MCHR2: variants seen among roughly 807,000 people sequenced by gnomAD.
MCHR2 encodes the protein melanin concentrating hormone receptor 2.
A neutral mutation model predicts 24.8 loss-of-function variants in MCHR2; 15 were observed. That is an observed-to-expected ratio of 0.60 (90% CI 0.40 to 0.93). The LOEUF (loss-of-function observed/expected upper bound fraction) is 0.93. Among genes scored for constraint, MCHR2 ranks in the 40% least tolerant of loss-of-function variants. The probability of loss-of-function intolerance (pLI) is 0.00; values close to 1 mark genes in which losing one functional copy is unlikely to be tolerated. For missense variants in MCHR2, 386 were observed against 408.7 expected (o/e 0.94, Z 0.48); for synonymous variants, 151 against 147.6 (o/e 1.02, Z -0.17).
chr6:99,985,235 C>G (rs1775748972), intron 1 of MCHR2, among the ~76,000 whole-genome samples: 1 of 135,512 alleles, frequency 7.4e-6, no homozygotes, highest in African/African-American at 3.5e-5. Context: ...CCAGTATCAT[C>G]AAAATGACCA....
intron 1 of MCHR2, among the ~76,000 whole-genome samples, chr6:99,974,340 A>C (rs992640111): frequency 6.6e-6 from 1 of 152,122 alleles, no homozygotes; most frequent in African/African-American, 2.4e-5. Context: ...ACTTTCTTCC[A>C]GTTGATTGCA....
At chr6:99,987,041 C>A (rs1775782425) in intron 1 of MCHR2, among the ~76,000 whole-genome samples, 2 of 151,886 alleles carry the variant, frequency 1.3e-5, no homozygotes, top group South Asian at 4.2e-4. Context: ...TAGCTTTGTA[C>A]ATTTTAATGT....
intron 5 of MCHR2, 49 bp from the exon 6 acceptor site, chr6:99,921,304 TA>T (rs1774225121): frequency 6.5e-7 from 1 of 1,540,254 alleles, no homozygotes; most frequent in Non-Finnish European, 8.8e-7. Context: ...CCATAGAAAT[TA>T]TGGGGCAATG....
chr6:99,964,653 G>A (rs374949882), intron 1 of MCHR2, among the ~76,000 whole-genome samples: 10 of 152,078 alleles, frequency 6.6e-5, no homozygotes, highest in Admixed American at 2.0e-4. Context: ...TTCCACCCTT[G>A]TTCTGGCCCT....
At chr6:99,979,947 T>C (rs1775632078) in intron 1 of MCHR2, among the ~76,000 whole-genome samples, 1 of 152,214 alleles carries the variant, frequency 6.6e-6, no homozygotes, top group South Asian at 2.1e-4. Context: ...GTAAATGGCT[T>C]GGCACTTTGC....
At chr6:99,991,532 C>T (rs1210711282) in intron 1 of MCHR2, among the ~76,000 whole-genome samples, 2 of 152,098 alleles carry the variant, frequency 1.3e-5, no homozygotes, top group African/African-American at 2.4e-5. Flanking sequence ...GAGGCCGGGG[C>T]GCGGTGGCTC....
At chr6:99,950,045 C>G (rs1022693489) in intron 2 of MCHR2, among the ~76,000 whole-genome samples, 1 of 152,002 alleles carries the variant, frequency 6.6e-6, no homozygotes, top group African/African-American at 2.4e-5. Flanking sequence ...CCTTGCTTTT[C>G]TCTAGAGGGG....
chr6:99,987,217 C>T (rs559834477), intron 1 of MCHR2, among the ~76,000 whole-genome samples: 2 of 152,166 alleles, frequency 1.3e-5, no homozygotes, highest in East Asian at 3.9e-4. Context: ...TCTCCTGCCT[C>T]AACCTCCCAA....
intron 1 of MCHR2, among the ~76,000 whole-genome samples, chr6:99,966,902 C>T (rs1032458376): frequency 8.5e-5 from 13 of 152,098 alleles, no homozygotes; most frequent in Admixed American, 6.6e-5. Flanking sequence ...AAAGCCAATG[C>T]TAAATAAGAT....
intron 1 of MCHR2, among the ~76,000 whole-genome samples, chr6:99,972,056 C>T (rs1214715419): frequency 6.6e-6 from 1 of 152,206 alleles, no homozygotes; most frequent in African/African-American, 2.4e-5. Context: ...GCTTTGGTAT[C>T]AGGATGATGC....
Position 99,970,149 on chromosome 6 carries a change from T to C in MCHR2, c.-27-13975A>G, listed in dbSNP as rs1775375535. Among the ~76,000 whole-genome samples, 5 of 151,418 alleles carry C rather than the reference T, an allele frequency of 3.3e-5. 1 individual carries two copies. In the South Asian group the frequency reaches 8.4e-4, roughly 25 times the overall value. The stretch of plus-strand genomic sequence containing the variant: ...GGAATCGCCACACTGACTTCCACAA[T>C]GGTTGAACTAGTTTACAGTCCCACC... On this transcript the variant is annotated intron_variant, in intron 1 of 5. Coordinates refer to ENST00000281806, the MANE Select transcript of MCHR2 (RefSeq NM_001040179.2).
At chr6:99,974,574 T>C (rs1582405538) in intron 1 of MCHR2, among the ~76,000 whole-genome samples, 1 of 152,240 alleles carries the variant, frequency 6.6e-6, no homozygotes, top group East Asian at 1.9e-4. Context: ...AAAGTCATTC[T>C]CCATCCAGCT....
At position 99,920,747 on chromosome 6, in the gene MCHR2, C is replaced by T. The variant is rs1208828922; in HGVS notation, c.*193G>A. ...CCCATTCCCTACCCACAATATAGAT[C>T]AACATTTTACATCTTGCTAAAGTTA... On this transcript the variant is annotated 3_prime_UTR_variant, in exon 6 of 6. Coordinates refer to ENST00000281806, the MANE Select transcript of MCHR2 (RefSeq NM_001040179.2). The T allele has an allele frequency of 8.4e-6, 5 of 596,598 alleles. No individual in the cohort carries two copies. The South Asian group carries it at 1.1e-4, about 13-fold the overall frequency. 37.0% of individuals were successfully genotyped at this position (596,598 alleles called of 1,614,324 possible).
chr6:99,945,333 G>A (rs1378753183), intron 3 of MCHR2, among the ~76,000 whole-genome samples: 1 of 152,100 alleles, frequency 6.6e-6, no homozygotes, highest in Non-Finnish European at 1.5e-5. Context: ...GACTCTTGAT[G>A]TTTTAGAGAA....
intron 1 of MCHR2, among the ~76,000 whole-genome samples, chr6:99,966,314 A>C (rs575110820): frequency 1.3e-4 from 20 of 152,254 alleles, no homozygotes; most frequent in African/African-American, 4.6e-4. Flanking sequence ...TATCTCCTGT[A>C]AATGTTGGAA....
At chr6:99,930,890 T>C (rs13195824) in intron 5 of MCHR2, among the ~76,000 whole-genome samples, 11 of 152,214 alleles carry the variant, frequency 7.2e-5, no homozygotes, top group Non-Finnish European at 8.8e-5. Context: ...TGAGGAGCTG[T>C]GTTCCTTTGG....
intron 5 of MCHR2, among the ~76,000 whole-genome samples, chr6:99,927,555 C>A (rs915936926): frequency 6.6e-6 from 1 of 151,960 alleles, no homozygotes. Context: ...CCTTCGCGTC[C>A]CTTGTAAGTT....
At chr6:99,948,121 G>A in intron 2 of MCHR2, 150 bp from the exon 3 acceptor site, 2 of 654,236 alleles carry the variant, frequency 3.1e-6, no homozygotes, top group Non-Finnish European at 5.2e-6. Context: ...GCCTAGTCTT[G>A]TGTGTATTTA....
intron 3 of MCHR2, 79 bp downstream of exon 3, chr6:99,947,683 G>A (rs1774895422): frequency 7.1e-7 from 1 of 1,410,496 alleles, no homozygotes; most frequent in Non-Finnish European, 9.7e-7. Context: ...AACCAAAACT[G>A]GTGTTGGAAT....
Sources: allele counts gnomAD v4.1 joint callset (sites outside exome capture counted in the v4.1 genomes callset), GRCh38; gene constraint gnomAD v4.1.1; transcripts MANE v1.5; gene names NCBI Gene and HGNC (gene_info 2026-07-23, HGNC 2026-07-21).